VTA1: variants seen among roughly 807,000 people sequenced by gnomAD.
VTA1 encodes the protein vesicle trafficking 1, also known as vacuolar protein sorting-associated protein VTA1 homolog.
In VTA1, 24 loss-of-function variants were observed where a neutral mutation model predicts 36.9. The ratio of observed to expected loss-of-function variants is 0.65; its 90% CI spans 0.47 to 0.91. The LOEUF (loss-of-function observed/expected upper bound fraction) is 0.91, where lower values mean the gene tolerates loss of function less well. VTA1 is among the 40% of genes least tolerant of loss of function. The probability of loss-of-function intolerance (pLI) is 0.00; values close to 1 mark genes in which losing one functional copy is unlikely to be tolerated. For synonymous variants in VTA1, 142 were observed against 130.2 expected (o/e 1.09, Z -0.62); for missense variants, 393 against 377.2 (o/e 1.04, Z -0.35).
At position 142,221,111 on chromosome 6, in the gene VTA1, G is replaced by T. The variant is rs755778049; in HGVS notation, c.*2468G>T. The T allele has an allele frequency of 2.6e-5, 4 of 152,140 alleles. No individual in the cohort carries two copies. Among genetic ancestry groups the T allele is most frequent in the African/African-American group, 9.7e-5 (4 of 41,426 alleles). 9.4% of individuals were successfully genotyped at this position (152,140 alleles called of 1,614,324 possible). On this transcript the variant is annotated 3_prime_UTR_variant, in exon 8 of 8. Transcript: ENST00000367630. The stretch of plus-strand genomic sequence containing the variant: ...TAGCTCTACCCAAATCAGAAATATT[G>T]CAAGTCTGAGAAAAGAGATTCTCCT...
chr6:142,198,568 G>T lies in VTA1; in HGVS notation c.650G>T (p.Gly217Val). Residue 217 changes from glycine (G) to valine (V), a missense_variant, in exon 6 of 8, where the codon GGT (glycine) becomes GTT (valine). By Grantham distance (109) the Gly-to-Val change is moderately radical. Transcript: ENST00000367630. ...TATACTGGAATACAGATTCCTCCGG[G>T]TGCACACGCTCCAGCTAATACACCA... ...GNYTGIQIPP[G>V]AHAPANTPAE... 6.2e-7 allele frequency: 1 copy of T among 1,613,790 alleles called. No homozygotes were observed. The highest frequency in any genetic ancestry group is 8.5e-7 in the Non-Finnish European group (1 of 1,179,790).
In VTA1 at chr6:142,220,756, TAGG is replaced by T. The variant is rs1366216311; in HGVS notation, c.*2116_*2118del. 6.6e-6 allele frequency: 1 copy of T among 151,986 alleles called. No individual in the cohort carries two copies. The highest frequency in any genetic ancestry group is 1.5e-5 in the Non-Finnish European group (1 of 68,014). The allele number at this position is 151,986 out of a possible 1,614,324, so 9.4% of individuals were successfully genotyped here. On this transcript the variant is annotated 3_prime_UTR_variant, in exon 8 of 8. Coordinates refer to ENST00000367630, the MANE Select transcript of VTA1 (RefSeq NM_016485.5). ...TTCCTATAAAATCTTAAAATAAAAT[TAGG>T]AGATGTGTTCTGATGTAACAGTAGG... is the stretch of plus-strand genomic sequence containing the variant.
At chr6:142,168,487 A>G (rs548546998) in intron 2 of VTA1, among the ~76,000 whole-genome samples, 3 of 151,920 alleles carry the variant, frequency 2.0e-5, no homozygotes, top group Non-Finnish European at 4.4e-5. Flanking sequence ...TGATGCTCAG[A>G]TCTGATACTC....
chr6:142,198,570 G>GC lies in VTA1; in HGVS notation c.653dup (p.His219ThrfsTer5). On this transcript the variant is annotated frameshift_variant, in exon 6 of 8. Coordinates refer to ENST00000367630, the MANE Select transcript of VTA1 (RefSeq NM_016485.5). LOFTEE classifies it high-confidence loss of function. Reference sequence around the variant, plus strand: ...TACTGGAATACAGATTCCTCCGGGTGCACACGCTCCAGCTAATACACCAGC... The same window carrying GC: ...TACTGGAATACAGATTCCTCCGGGTGCCACACGCTCCAGCTAATACACCAGC... 1 of 1,613,630 alleles carries GC rather than the reference G, an allele frequency of 6.2e-7. No homozygotes were observed. Among genetic ancestry groups the GC allele is most frequent in the Non-Finnish European group, 8.5e-7 (1 of 1,179,678 alleles).
intron 1 of VTA1, among the ~76,000 whole-genome samples, chr6:142,155,640 A>G (rs1183910402): frequency 1.3e-5 from 2 of 152,122 alleles, no homozygotes; most frequent in Non-Finnish European, 2.9e-5. Flanking sequence ...GTTTTAATCA[A>G]ATTAATTTCA....
intron 5 of VTA1, among the ~76,000 whole-genome samples, chr6:142,190,210 A>G (rs1005923375): frequency 5.0e-4 from 76 of 152,314 alleles, no homozygotes; most frequent in African/African-American, 1.8e-3. Flanking sequence ...ATACATTCAC[A>G]TGGTTCAAAA....
intron 1 of VTA1, among the ~76,000 whole-genome samples, chr6:142,154,769 C>G (rs916737027): frequency 1.3e-5 from 2 of 152,030 alleles, no homozygotes; most frequent in Non-Finnish European, 2.9e-5. Context: ...GTATCATCTT[C>G]AGTAAAATGT....
At chr6:142,183,355 A>G (rs747656533) in intron 4 of VTA1, among the ~76,000 whole-genome samples, 6 of 152,196 alleles carry the variant, frequency 3.9e-5, no homozygotes, top group Non-Finnish European at 5.9e-5. Context: ...CAAATTTTTC[A>G]TAGCTCTAGC....
intron 4 of VTA1, 89 bp from the exon 5 acceptor site, chr6:142,189,337 T>C (rs1375785725): frequency 3.7e-6 from 4 of 1,091,290 alleles, no homozygotes; most frequent in Non-Finnish European, 5.3e-6. Context: ...ATAGGTTTTA[T>C]CTCAGAAATA....
intron 4 of VTA1, among the ~76,000 whole-genome samples, chr6:142,183,407 A>C (rs910783148): frequency 6.6e-6 from 1 of 152,186 alleles, no homozygotes; most frequent in Non-Finnish European, 1.5e-5. Flanking sequence ...TACAGGTCCT[A>C]AGTTTGAAAA....
At chr6:142,163,750 G>A (rs573513442) in intron 1 of VTA1, among the ~76,000 whole-genome samples, 1 of 152,130 alleles carries the variant, frequency 6.6e-6, no homozygotes, top group East Asian at 1.9e-4. Context: ...ATAATTGAGA[G>A]GAGTGAGGAT....
rs1453317310 is a variant in VTA1, at chr6:142,220,009, A to G, written c.*1366A>G. The G allele has an allele frequency of 6.6e-6, 1 of 152,236 alleles. No individual in the cohort carries two copies. Among genetic ancestry groups the G allele is most frequent in the Non-Finnish European group, 1.5e-5 (1 of 68,038 alleles). 9.4% of individuals were successfully genotyped at this position (152,236 alleles called of 1,614,324 possible). A position where few individuals can be genotyped will look rare whatever the true frequency, so the allele number is the denominator to read the frequency against. On this transcript the variant is annotated 3_prime_UTR_variant, in exon 8 of 8. Transcript: ENST00000367630. ...ACCTAGTCTAATGGCCTTTTGGGAA[A>G]AAACAAATCACTAACTCATAATCAT...
At chr6:142,199,038 T>C (rs887281698) in intron 6 of VTA1, among the ~76,000 whole-genome samples, 1 of 152,148 alleles carries the variant, frequency 6.6e-6, no homozygotes, top group Non-Finnish European at 1.5e-5. Flanking sequence ...GGACTATGCC[T>C]CTGCCCTGAA....
chr6:142,218,059 AAAACAAGC>A (rs1403944241), intron 7 of VTA1, among the ~76,000 whole-genome samples: 1 of 152,182 alleles, frequency 6.6e-6, no homozygotes, highest in African/African-American at 2.4e-5. Flanking sequence ...TCTCATGCTT[AAAACAAGC>A]TAAGCAACCT....
intron 4 of VTA1, among the ~76,000 whole-genome samples, chr6:142,171,518 T>A (rs985556201): frequency 6.6e-6 from 1 of 152,224 alleles, no homozygotes; most frequent in Non-Finnish European, 1.5e-5. Context: ...TTCCTGTTCA[T>A]TCTATCTATT....
intron 7 of VTA1, among the ~76,000 whole-genome samples, chr6:142,213,301 G>GTC (rs1244075549): frequency 6.6e-6 from 1 of 152,184 alleles, no homozygotes; most frequent in South Asian, 2.1e-4. Flanking sequence ...TCACTTCCAG[G>GTC]TCATGCCAAT....
At chr6:142,186,402 CTG>C (rs1299846724) in intron 4 of VTA1, among the ~76,000 whole-genome samples, 1 of 152,070 alleles carries the variant, frequency 6.6e-6, no homozygotes, top group Non-Finnish European at 1.5e-5. Context: ...AGAAAGATCA[CTG>C]TACTCAGAGC....
At chr6:142,184,681 A>G (rs1378190592) in intron 4 of VTA1, among the ~76,000 whole-genome samples, 5 of 152,190 alleles carry the variant, frequency 3.3e-5, no homozygotes, top group Non-Finnish European at 7.4e-5. Context: ...CAGGTAAGAC[A>G]GGAATCCAAT....
chr6:142,150,458 G>A (rs1301260807), intron 1 of VTA1, among the ~76,000 whole-genome samples: 1 of 152,124 alleles, frequency 6.6e-6, no homozygotes, highest in African/African-American at 2.4e-5. Context: ...CCTACATCCT[G>A]TTCACAATTG....
Sources: gnomAD v4.1 joint callset for allele counts (sites outside exome capture counted in the v4.1 genomes callset) on GRCh38, gnomAD v4.1.1 for gene constraint, MANE v1.5 for transcripts, NCBI Gene and HGNC (gene_info 2026-07-23, HGNC 2026-07-21) for gene names.